The following ANO3 variants were observed in gnomAD, a reference collection of about 807,000 sequenced individuals.
The protein encoded by ANO3 is anoctamin 3, also known as anoctamin-3.
Under a neutral mutation model 144.8 loss-of-function variants are expected in ANO3, and 99 were observed. The ratio of observed to expected loss-of-function variants is 0.68; its 90% confidence interval spans 0.58 to 0.81. ANO3 has a LOEUF of 0.81. Among genes scored for constraint, ANO3 ranks in the 30% least tolerant of loss-of-function variants. The probability of loss-of-function intolerance (pLI) is 0.00; values close to 1 mark genes in which losing one functional copy is unlikely to be tolerated. For missense variants in ANO3, 905 were observed against 1,202.2 expected (o/e 0.75, Z 3.66); for synonymous variants, 414 against 392.6 (o/e 1.05, Z -0.64).
intron 1 of ANO3, among the ~76,000 whole-genome samples, chr11:26,317,185 G>T (rs1291501017): frequency 1.3e-5 from 2 of 151,958 alleles, no homozygotes; most frequent in Non-Finnish European, 2.9e-5. Context: ...GTAAAAAATT[G>T]CTAGGTGCTA....
intron 4 of ANO3, among the ~76,000 whole-genome samples, chr11:26,495,556 A>G (rs1473459025): frequency 6.6e-6 from 1 of 152,172 alleles, no homozygotes; most frequent in Non-Finnish European, 1.5e-5. Flanking sequence ...CTCTGAGTAG[A>G]TGATTTGTAG....
At chr11:26,584,147 TTTTG>T (rs146545367) in intron 14 of ANO3, among the ~76,000 whole-genome samples, 51,144 of 148,764 alleles carry the variant, frequency 0.34, 9,370 homozygotes, top group South Asian at 0.56. Context: ...TGTCTTGTTT[TTTTG>T]TTTGTTTGTT....
At chr11:26,192,637 CG>C (rs1048763855) in intron 1 of ANO3, among the ~76,000 whole-genome samples, 3 of 151,988 alleles carry the variant, frequency 2.0e-5, no homozygotes, top group Non-Finnish European at 4.4e-5. Flanking sequence ...TCTTAAATTC[CG>C]TGCATTAGAA....
rs1383496646 is a variant in ANO3 at position 26,525,773 on chromosome 11, A to G, written c.737+94A>G. The G allele has an allele frequency of 6.8e-6, 6 of 886,324 alleles. No individual in the cohort carries two copies. The Admixed American group carries it at 1.5e-4, about 22-fold the overall frequency. 54.9% of individuals were successfully genotyped at this position (886,324 alleles called of 1,614,324 possible). A position where few individuals can be genotyped will look rare whatever the true frequency, so the allele number is the denominator to read the frequency against. On this transcript the variant is annotated intron_variant, in intron 7 of 26. Coordinates refer to ENST00000256737, the MANE Select transcript of ANO3 (RefSeq NM_031418.4). ...TTCCCCATATCAGCAGTTGTAAATC[A>G]TAGGAAGAAAAATTCTATTGATTTG... is the stretch of plus-strand genomic sequence containing the variant.
At chr11:26,503,922 C>A (rs551827727) in intron 4 of ANO3, among the ~76,000 whole-genome samples, 1 of 151,960 alleles carries the variant, frequency 6.6e-6, no homozygotes, top group Non-Finnish European at 1.5e-5. Flanking sequence ...TTCCACAAAC[C>A]AGTCTCTTGA....
intron 1 of ANO3, among the ~76,000 whole-genome samples, chr11:26,323,973 C>A (rs1379066510): frequency 2.0e-5 from 3 of 152,192 alleles, no homozygotes; most frequent in African/African-American, 7.2e-5. Flanking sequence ...GCAGCACATG[C>A]TCCATCTCCA....
intron 8 of ANO3, 112 bp downstream of exon 8, chr11:26,531,448 T>G: frequency 8.1e-7 from 1 of 1,241,918 alleles, no homozygotes; most frequent in Non-Finnish European, 1.1e-6. Context: ...GTCAGAGAAC[T>G]TATCATTGTA....
At chr11:26,353,603 G>A (rs957957235) in intron 1 of ANO3, among the ~76,000 whole-genome samples, 1 of 151,716 alleles carries the variant, frequency 6.6e-6, no homozygotes, top group African/African-American at 2.4e-5. Context: ...ATGGAATCTC[G>A]CTGTCGCCAG....
At chr11:26,420,368 G>A (rs1298850525) in intron 1 of ANO3, among the ~76,000 whole-genome samples, 1 of 151,930 alleles carries the variant, frequency 6.6e-6, no homozygotes, top group Non-Finnish European at 1.5e-5. Flanking sequence ...ATTTGTAATA[G>A]GTAATCTCCA....
At position 26,639,124 on chromosome 11, in the gene ANO3, G is replaced by A. The variant is rs369861611; in HGVS notation, c.2044-20G>A. 8 of 1,524,500 alleles carry A rather than the reference G, an allele frequency of 5.2e-6. No individual in the cohort carries two copies. The Admixed American group carries it at 6.7e-5, about 13-fold the overall frequency. The allele number at this position is 1,524,500 out of a possible 1,614,324, so 94.4% of individuals were successfully genotyped here. A position where few individuals can be genotyped will look rare whatever the true frequency, so the allele number is the denominator to read the frequency against. On this transcript the variant is annotated intron_variant, in intron 20 of 26. Coordinates refer to ENST00000256737, the MANE Select transcript of ANO3 (RefSeq NM_031418.4). ...TGGGAAGAAGACCAATATCATTATT[G>A]CTCTTATGTTCTATTTCAGTGTCAT...
intron 4 of ANO3, among the ~76,000 whole-genome samples, chr11:26,478,323 A>G (rs578038143): frequency 3.9e-5 from 6 of 152,312 alleles, no homozygotes; most frequent in African/African-American, 1.4e-4. Context: ...GATGAAAACA[A>G]CAAATCACTC....
At chr11:26,652,085 A>C (rs144451578) in intron 24 of ANO3, among the ~76,000 whole-genome samples, 1 of 152,118 alleles carries the variant, frequency 6.6e-6, no homozygotes, top group Non-Finnish European at 1.5e-5. Context: ...GGAATTGCAG[A>C]ATCACATCGT....
intron 14 of ANO3, among the ~76,000 whole-genome samples, chr11:26,593,109 C>T (rs967620374): frequency 2.0e-5 from 3 of 152,034 alleles, no homozygotes; most frequent in Non-Finnish European, 4.4e-5. Flanking sequence ...TCTGTACAGC[C>T]AATAATAGTC....
chr11:26,340,920 T>C (rs1855340096), intron 1 of ANO3, among the ~76,000 whole-genome samples: 1 of 152,224 alleles, frequency 6.6e-6, no homozygotes, highest in Admixed American at 6.5e-5. Context: ...TAATGAGTTA[T>C]TAGACTTGTA....
chr11:26,384,885 A>G (rs1414977850), intron 1 of ANO3, among the ~76,000 whole-genome samples: 1 of 152,156 alleles, frequency 6.6e-6, no homozygotes, highest in African/African-American at 2.4e-5. Flanking sequence ...TGGTATCTCA[A>G]TCTTTCTGTG....
chr11:26,580,628 A>T (rs1851104210), intron 14 of ANO3, among the ~76,000 whole-genome samples: 1 of 152,204 alleles, frequency 6.6e-6, no homozygotes, highest in African/African-American at 2.4e-5. Flanking sequence ...CCAAGTCTTT[A>T]ACTCTTCTGA....
At chr11:26,347,424 A>G (rs1855524744) in intron 1 of ANO3, among the ~76,000 whole-genome samples, 1 of 152,252 alleles carries the variant, frequency 6.6e-6, no homozygotes, top group Non-Finnish European at 1.5e-5. Context: ...AAAGCAGGGA[A>G]GGTGACTATC....
chr11:26,564,752 T>C (rs867755056), intron 14 of ANO3, among the ~76,000 whole-genome samples: 6 of 78,424 alleles, frequency 7.7e-5, no homozygotes, highest in East Asian at 4.6e-4. Context: ...TATATATATA[T>C]ATATATATAT....
In ANO3 at chr11:26,596,133, A is replaced by G. The variant is rs541021642; in HGVS notation, c.1448-2232A>G. 7.2e-5 allele frequency among the ~76,000 whole-genome samples: 11 copies of G among 152,278 alleles called. No homozygotes were observed. The East Asian group carries it at 2.1e-3, about 29-fold the overall frequency. On this transcript the variant is annotated intron_variant, in intron 14 of 26. Transcript: ENST00000256737. ...AGGTTTTAAATTTACCCTGGCTTTT[A>G]AAGGAATAGGGCACACTGTTTTTCC...
Sources: gnomAD v4.1 joint callset for allele counts (sites outside exome capture counted in the v4.1 genomes callset) on GRCh38, gnomAD v4.1.1 for gene constraint, MANE v1.5 for transcripts, NCBI Gene and HGNC (gene_info 2026-07-23, HGNC 2026-07-21) for gene names.